SLC5A3: variants seen among roughly 807,000 people sequenced by gnomAD.
SLC5A3 encodes the protein solute carrier family 5 member 3.
SLC5A3 carries 10 observed loss-of-function variants against 43.2 expected under a neutral mutation model. The observed-to-expected ratio is 0.23, with a 90% CI of 0.14 to 0.39. The LOEUF (loss-of-function observed/expected upper bound fraction) is 0.39, where lower values mean the gene tolerates loss of function less well. SLC5A3 is among the 10% of genes least tolerant of loss of function. The pLI is 1.00. For missense variants in SLC5A3, 608 were observed against 893.4 expected (o/e 0.68, Z 4.07); for synonymous variants, 349 against 322.0 (o/e 1.08, Z -0.90).
In SLC5A3 at chr21:34,095,394, A is replaced by C. The variant is rs1406964145; in HGVS notation, c.196A>C (p.Ile66Leu). ...GAGCAATATTGGGAGTGAGCACTTC[A>C]TTGGGCTGGCAGGATCTGGAGCTGC... ...FVSNIGSEHFIGLAGSGAASG... is the reference protein window; with the variant it reads ...FVSNIGSEHFLGLAGSGAASG... Residue 66 changes from isoleucine (I) to leucine (L), a missense_variant, in exon 2 of 2, where the codon ATT becomes CTT. This residue lies in a region of SLC5A3 where 398 missense variants were observed against 668.6 expected (regional missense o/e 0.60). Coordinates refer to ENST00000381151, the MANE Select transcript of SLC5A3 (RefSeq NM_006933.7). The C allele has an allele frequency of 6.2e-7, 1 of 1,613,958 alleles. No homozygotes were observed.
Position 34,099,934 on chromosome 21 carries a change from A to G in SLC5A3, c.*2579A>G, listed in dbSNP as rs1479558491. On this transcript the variant is annotated 3_prime_UTR_variant, in exon 2 of 2. Transcript: ENST00000381151. ...TTGCTGATTGCAACTTAATTCAGGG[A>G]CCAGTCTTCAATCTATATTTCATTA... 1.1e-5 allele frequency: 4 copies of G among 365,176 alleles called. No homozygotes were observed. The highest frequency in any genetic ancestry group is 8.9e-5 in the African/African-American group (4 of 45,144). The allele number at this position is 365,176 out of a possible 1,614,324, so 22.6% of individuals were successfully genotyped here.
In SLC5A3 at chr21:34,098,912, T is replaced by A. The variant is rs1295383736; in HGVS notation, c.*1557T>A. 2 of 994,632 alleles carry A rather than the reference T, an allele frequency of 2.0e-6. No homozygotes were observed. Among genetic ancestry groups the A allele is most frequent in the African/African-American group, 3.5e-5 (2 of 57,136 alleles). 61.6% of individuals were successfully genotyped at this position (994,632 alleles called of 1,614,324 possible). On this transcript the variant is annotated 3_prime_UTR_variant, in exon 2 of 2. Transcript: ENST00000381151. ...ACCTTCTTTAATCTCTGATACTTTT[T>A]AGATTGCATGATTTTACTAGGCTTG...
chr21:34,093,715 A>T (rs1602925778), intron 1 of SLC5A3, among the ~76,000 whole-genome samples: 1 of 152,250 alleles, frequency 6.6e-6, no homozygotes, highest in African/African-American at 2.4e-5. Context: ...TGTCAGCTGC[A>T]ATTACAATTA....
intron 1 of SLC5A3, among the ~76,000 whole-genome samples, chr21:34,077,058 C>T (rs1271933771): frequency 2.0e-5 from 3 of 152,014 alleles, no homozygotes; most frequent in African/African-American, 7.2e-5. Context: ...CTCCACCCTG[C>T]CCCCCCTGCA....
In SLC5A3 at chr21:34,095,645, T is replaced by A; in HGVS notation, c.447T>A (p.Phe149Leu). 6.2e-7 allele frequency: 1 copy of A among 1,613,868 alleles called. No homozygotes were observed. Among genetic ancestry groups the A allele is most frequent in the Non-Finnish European group, 8.5e-7 (1 of 1,179,932 alleles). Residue 149 changes from phenylalanine (F) to leucine (L), a missense_variant, in exon 2 of 2, where the codon TTT (phenylalanine) becomes TTA (leucine). By Grantham distance (22) the Phe-to-Leu change is conservative. Around this residue, in one of 2 missense-constraint regions of SLC5A3, gnomAD observed 398 missense variants for 668.6 expected, o/e 0.60. Transcript: ENST00000381151. ...TGGATCTGTATTCGGGTGCCCTTTT[T>A]ATCCAGGAGTCTTTGGGTTGGAATC... is the stretch of plus-strand genomic sequence containing the variant. ...LSVDLYSGAL[F>L]IQESLGWNLY...
rs1979070434 is a variant in SLC5A3, at chr21:34,098,411, A to C, written c.*1056A>C. On this transcript the variant is annotated 3_prime_UTR_variant, in exon 2 of 2. Transcript: ENST00000381151. ...TGATATATCAAGGTTGAATTTTTAG[A>C]GGGAAAATTTAATTCTGATATCTTA... The C allele has an allele frequency of 1.0e-6, 1 of 1,000,188 alleles. No homozygotes were observed. 62.0% of individuals were successfully genotyped at this position (1,000,188 alleles called of 1,614,324 possible). A position where few individuals can be genotyped will look rare whatever the true frequency, so the allele number is the denominator to read the frequency against.
intron 1 of SLC5A3, among the ~76,000 whole-genome samples, chr21:34,083,314 T>G (rs531264572): frequency 6.6e-6 from 1 of 152,356 alleles, no homozygotes; most frequent in Non-Finnish European, 1.5e-5. Context: ...GTTAGAAAGG[T>G]GCAGAATCAG....
In SLC5A3 at chr21:34,097,283, A is replaced by C. The variant is rs760343616; in HGVS notation, c.2085A>C (p.Lys695Asn). ...TGCTAGAAGAGACTCGGCAAGTTAA[A>C]GTAATACTAAATATTGGACTTTTTG... ...LQMLEETRQVKVILNIGLFAV... is the reference protein window; with the variant it reads ...LQMLEETRQVNVILNIGLFAV... The change falls in exon 2 of 2, where the codon AAA becomes AAC. Residue 695 changes from lysine to asparagine, a missense_variant. Lys to Asn is a moderately conservative substitution (Grantham distance 94). Coordinates refer to ENST00000381151, the MANE Select transcript of SLC5A3 (RefSeq NM_006933.7). 5.0e-6 allele frequency: 8 copies of C among 1,613,424 alleles called. No individual in the cohort carries two copies. In the Admixed American group the frequency reaches 1.3e-4, roughly 27 times the overall value.
In SLC5A3 at chr21:34,097,818, T is replaced by C; in HGVS notation, c.*463T>C. 2.0e-6 allele frequency: 2 copies of C among 998,614 alleles called. No homozygotes were observed. Among genetic ancestry groups the C allele is most frequent in the Non-Finnish European group, 2.4e-6 (2 of 828,414 alleles). 61.9% of individuals were successfully genotyped at this position (998,614 alleles called of 1,614,324 possible). ...CTTAGACATTGTACAATCAGTTATGTACTGAAAATCGAATGTGCTTGTGTG... is the reference window on the plus strand; with the variant it reads ...CTTAGACATTGTACAATCAGTTATGCACTGAAAATCGAATGTGCTTGTGTG... On this transcript the variant is annotated 3_prime_UTR_variant, in exon 2 of 2. Coordinates refer to ENST00000381151, the MANE Select transcript of SLC5A3 (RefSeq NM_006933.7).
At chr21:34,084,696 G>A (rs774876943) in intron 1 of SLC5A3, among the ~76,000 whole-genome samples, 27 of 152,118 alleles carry the variant, frequency 1.8e-4, no homozygotes, top group Non-Finnish European at 3.7e-4. Flanking sequence ...TTGGTCATAC[G>A]TAATGGTAAA....
chr21:34,095,216 C>T lies in SLC5A3; in HGVS notation c.18C>T (p.Asp6=). The T allele has an allele frequency of 6.2e-7, 1 of 1,610,724 alleles. No individual in the cohort carries two copies. Among genetic ancestry groups the T allele is most frequent in the Non-Finnish European group, 8.5e-7 (1 of 1,177,846 alleles). Residue 6 remains aspartate (D), a synonymous_variant, in exon 2 of 2, where the codon GAC becomes GAT. Coordinates refer to ENST00000381151, the MANE Select transcript of SLC5A3 (RefSeq NM_006933.7). Reference sequence around the variant, plus strand: ...TTACCAGAATGAGAGCTGTACTGGACACAGCAGACATTGCCATAGTGGCCC... The same window carrying T: ...TTACCAGAATGAGAGCTGTACTGGATACAGCAGACATTGCCATAGTGGCCC... MRAVL[D]TADIAIVALY...
Position 34,104,900 on chromosome 21 carries a change from A to T in SLC5A3, c.*7545A>T, listed in dbSNP as rs1218308567. 1 of 1,000,100 alleles carries T rather than the reference A, an allele frequency of 1.0e-6. No homozygotes were observed. The highest frequency in any genetic ancestry group is 6.2e-5 in the Admixed American group (1 of 16,260). The allele number at this position is 1,000,100 out of a possible 1,614,324, so 62.0% of individuals were successfully genotyped here. Reference sequence around the variant, plus strand: ...GCTTCTGGAGATTTCTTTGGCAGAAATGCCTTTCATCTATAATTTCATGGA... The same window carrying T: ...GCTTCTGGAGATTTCTTTGGCAGAATTGCCTTTCATCTATAATTTCATGGA... On this transcript the variant is annotated 3_prime_UTR_variant, in exon 2 of 2. Transcript: ENST00000381151.
chr21:34,105,301 T>G lies in SLC5A3; in HGVS notation c.*7946T>G. On this transcript the variant is annotated 3_prime_UTR_variant, in exon 2 of 2. Coordinates refer to ENST00000381151, the MANE Select transcript of SLC5A3 (RefSeq NM_006933.7). ...GTATGAACTGTGTTATACTTCTCAG[T>G]GCTTTCTTTTTTCTTTTTGATAAGA... The G allele has an allele frequency of 4.6e-5, 46 of 1,000,048 alleles. No individual in the cohort carries two copies. The highest frequency in any genetic ancestry group is 5.5e-5 in the Non-Finnish European group (46 of 829,782). The allele number at this position is 1,000,048 out of a possible 1,614,324, so 61.9% of individuals were successfully genotyped here. A position where few individuals can be genotyped will look rare whatever the true frequency, so the allele number is the denominator to read the frequency against.
At chr21:34,073,932 C>T (rs960965264) in intron 1 of SLC5A3, among the ~76,000 whole-genome samples, 187 bp downstream of exon 1, 2 of 145,118 alleles carry the variant, frequency 1.4e-5, no homozygotes, top group African/African-American at 2.5e-5. Context: ...CGGGCCCGGC[C>T]GCGTGCGCGC....
rs907916877 is a variant in SLC5A3 at position 34,099,926 on chromosome 21, A to G, written c.*2571A>G. ...TTTGTGAATTGCTGATTGCAACTTA[A>G]TTCAGGGACCAGTCTTCAATCTATA... is the stretch of plus-strand genomic sequence containing the variant. On this transcript the variant is annotated 3_prime_UTR_variant, in exon 2 of 2. Coordinates refer to ENST00000381151, the MANE Select transcript of SLC5A3 (RefSeq NM_006933.7). 5.6e-5 allele frequency: 20 copies of G among 359,416 alleles called. No homozygotes were observed. Among genetic ancestry groups the G allele is most frequent in the African/African-American group, 4.2e-4 (19 of 45,018 alleles). The allele number at this position is 359,416 out of a possible 1,614,324, so 22.3% of individuals were successfully genotyped here. A position where few individuals can be genotyped will look rare whatever the true frequency, so the allele number is the denominator to read the frequency against.
At chr21:34,083,714 G>A (rs575423866) in intron 1 of SLC5A3, among the ~76,000 whole-genome samples, 6 of 152,270 alleles carry the variant, frequency 3.9e-5, no homozygotes, top group Non-Finnish European at 8.8e-5. Context: ...CCTAAGTCTC[G>A]CAGACTTTGG....
chr21:34,075,631 T>C (rs558921612), intron 1 of SLC5A3, among the ~76,000 whole-genome samples: 1 of 152,238 alleles, frequency 6.6e-6, no homozygotes, highest in East Asian at 1.9e-4. Context: ...AGATAGAAGG[T>C]TGTAACAGTG....
intron 1 of SLC5A3, among the ~76,000 whole-genome samples, chr21:34,082,775 A>T (rs9978290): frequency 0.021 from 3,271 of 152,228 alleles, 126 homozygotes; most frequent in African/African-American, 0.073. Context: ...GATAACATCA[A>T]ATTGCAAATA....
intron 1 of SLC5A3, among the ~76,000 whole-genome samples, chr21:34,079,695 C>T (rs1035424187): frequency 2.8e-4 from 41 of 147,062 alleles, no homozygotes; most frequent in Admixed American, 1.5e-3. Context: ...GTGATCTGCC[C>T]GCTTTGGTCT....
Sources: gnomAD v4.1 joint callset for allele counts (sites outside exome capture counted in the v4.1 genomes callset) on GRCh38, gnomAD v4.1.1 for gene constraint, gnomAD v4.1.1 regional missense constraint, MANE v1.5 for transcripts, NCBI Gene and HGNC (gene_info 2026-07-23, HGNC 2026-07-21) for gene names.